FRMPD4: variants seen among roughly 807,000 people sequenced by gnomAD.
FRMPD4 encodes the protein FERM and PDZ domain-containing protein 4.
In FRMPD4, 22 loss-of-function variants were observed where a neutral mutation model predicts 94.1. That is an observed-to-expected ratio of 0.23 (90% CI 0.17 to 0.33). FRMPD4 has a LOEUF of 0.33. Ranked by LOEUF, FRMPD4 falls within the 10% of genes least tolerant of loss-of-function variation. The pLI is 1.00. For missense variants in FRMPD4, 1,111 were observed against 1,339.9 expected, an observed-to-expected ratio of 0.83 and a Z score of 2.67; for synonymous variants, 631 against 548.6, an observed-to-expected ratio of 1.15 and a Z score of -2.10.
intron 1 of FRMPD4, among the ~76,000 whole-genome samples, chrX:12,466,025 A>G (rs1230937468): frequency 9.0e-6 from 1 of 111,157 alleles, no homozygotes; most frequent in Non-Finnish European, 1.9e-5. Flanking sequence ...TTTTCTTTCT[A>G]CCAGGCTTTG....
chrX:12,135,382 T>C (rs912377913), upstream of FRMPD4, among the ~76,000 whole-genome samples: 6 of 110,211 alleles, frequency 5.4e-5, no homozygotes, highest in African/African-American at 9.9e-5. Context: ...TCTGCCAAGA[T>C]GGCTTAAAGA....
intron 4 of FRMPD4, among the ~76,000 whole-genome samples, chrX:12,632,880 G>A (rs1342356498): frequency 3.6e-5 from 4 of 112,386 alleles, no homozygotes; most frequent in Admixed American, 1.9e-4. Context: ...AAAGGATTTT[G>A]TACTCCCTTG....
intron 2 of FRMPD4, among the ~76,000 whole-genome samples, chrX:11,873,995 G>A (rs1175434516): frequency 1.8e-5 from 2 of 110,936 alleles, no homozygotes; most frequent in African/African-American, 3.3e-5. Flanking sequence ...GCAGTGAGCC[G>A]AGATCGCACC....
intron 2 of FRMPD4, among the ~76,000 whole-genome samples, chrX:11,877,199 A>G (rs978214607): frequency 1.8e-5 from 2 of 112,323 alleles, no homozygotes. Flanking sequence ...AGGATCTAGC[A>G]CTGAAATTGG....
chrX:12,558,886 G>C (rs1387153278), intron 2 of FRMPD4, among the ~76,000 whole-genome samples: 1 of 112,029 alleles, frequency 8.9e-6, no homozygotes, highest in Non-Finnish European at 1.9e-5. Flanking sequence ...ACTCCAGCCT[G>C]GGCAATACAG....
At chrX:11,983,819 T>C (rs752267701) in intron 3 of FRMPD4, among the ~76,000 whole-genome samples, 57 of 111,739 alleles carry the variant, frequency 5.1e-4, no homozygotes, top group Admixed American at 1.0e-3. Context: ...TTTCTTAACA[T>C]AACCTATATA....
chrX:12,411,989 C>A (rs768709964), intron 1 of FRMPD4, among the ~76,000 whole-genome samples: 2 of 111,802 alleles, frequency 1.8e-5, no homozygotes, highest in Non-Finnish European at 3.8e-5. Flanking sequence ...ATGTCTGCTG[C>A]GTAATCAACT....
chrX:12,649,865 G>A (rs1445011559), intron 4 of FRMPD4, among the ~76,000 whole-genome samples: 1 of 112,649 alleles, frequency 8.9e-6, no homozygotes, highest in Non-Finnish European at 1.9e-5. Context: ...TGATGAAAAT[G>A]GCCCAAGCCA....
intron 3 of FRMPD4, among the ~76,000 whole-genome samples, chrX:12,069,831 A>T (rs1441530826): frequency 9.0e-6 from 1 of 110,689 alleles, no homozygotes; most frequent in East Asian, 2.9e-4. Context: ...AAATATGCAA[A>T]TGAGATGACA....
At chrX:12,051,391 T>A (rs1373222537) in intron 3 of FRMPD4, among the ~76,000 whole-genome samples, 1 of 111,868 alleles carries the variant, frequency 8.9e-6, no homozygotes, top group Non-Finnish European at 1.9e-5. Context: ...AGATAAAACC[T>A]TTTATGATGA....
At chrX:12,550,945 TC>T (rs1336787774) in intron 2 of FRMPD4, among the ~76,000 whole-genome samples, 7 of 103,649 alleles carry the variant, frequency 6.8e-5, no homozygotes, top group African/African-American at 2.4e-4. Flanking sequence ...TATATATATA[TC>T]ATACATATGC....
chrX:12,287,266 A>C (rs2054615208), intron 1 of FRMPD4, among the ~76,000 whole-genome samples: 1 of 111,869 alleles, frequency 8.9e-6, no homozygotes, highest in African/African-American at 3.3e-5. Flanking sequence ...TAAGAGAGAT[A>C]GCTAACCAGG....
chrX:12,680,280 G>A (rs1016660072), intron 5 of FRMPD4, among the ~76,000 whole-genome samples: 2 of 112,049 alleles, frequency 1.8e-5, no homozygotes, highest in Non-Finnish European at 3.8e-5. Context: ...TATTCTAAAT[G>A]ATAATTACTT....
Position 12,717,427 on chromosome X carries a change from G to A in FRMPD4, c.2675-74G>A, listed in dbSNP as rs1306347256. On this transcript the variant is annotated intron_variant, in intron 15 of 16. Transcript: ENST00000675598. ...TGGTATTTTGTTTTAGTAATAACGA[G>A]TCCCATTTTCTTACATGTCTCCAAG... 1.5e-5 allele frequency: 10 copies of A among 688,046 alleles called. No homozygotes were observed. The African/African-American group carries it at 1.8e-4, about 12-fold the overall frequency. The allele number at this position is 688,046 out of a possible 1,213,427, so 56.7% of individuals were successfully genotyped here. A position where few individuals can be genotyped will look rare whatever the true frequency, so the allele number is the denominator to read the frequency against.
chrX:12,330,599 T>C (rs1428959153), intron 1 of FRMPD4, among the ~76,000 whole-genome samples: 2 of 111,476 alleles, frequency 1.8e-5, no homozygotes, highest in Non-Finnish European at 3.8e-5. Context: ...TCATGAACCA[T>C]TGGTAGCCAT....
chrX:12,014,168 C>T (rs1463496750), intron 3 of FRMPD4, among the ~76,000 whole-genome samples: 2 of 111,306 alleles, frequency 1.8e-5, no homozygotes, highest in Non-Finnish European at 3.8e-5. Flanking sequence ...AGCACAGTCA[C>T]TGGTTTTCAA....
intron 3 of FRMPD4, among the ~76,000 whole-genome samples, chrX:11,930,076 C>G (rs12689691): frequency 0.27 from 24,251 of 88,748 alleles, 3,586 homozygotes; most frequent in East Asian, 0.67. Flanking sequence ...CCACTGCACT[C>G]CAGCCTGGGC....
intron 3 of FRMPD4, among the ~76,000 whole-genome samples, chrX:12,107,214 G>A (rs1406114250): frequency 8.9e-6 from 1 of 111,850 alleles, no homozygotes; most frequent in East Asian, 2.8e-4. Flanking sequence ...CCAGAGGAAC[G>A]ATCAGGCAGC....
intron 3 of FRMPD4, among the ~76,000 whole-genome samples, chrX:11,902,445 G>A (rs979871552): frequency 1.8e-5 from 2 of 111,643 alleles, no homozygotes; most frequent in African/African-American, 6.5e-5. Context: ...GAGTGAGAAC[G>A]AGAGAGTGAG....
Sources: gnomAD v4.1 joint callset for allele counts (sites outside exome capture counted in the v4.1 genomes callset) on GRCh38, gnomAD v4.1.1 for gene constraint, MANE v1.5 for transcripts, NCBI Gene and HGNC (gene_info 2026-07-23, HGNC 2026-07-21) for gene names.